The following SLC35F6 variants were observed in gnomAD, a reference collection of about 807,000 sequenced individuals.
SLC35F6 encodes the protein solute carrier family 35 member F6.
SLC35F6 carries 26 observed loss-of-function variants against 29.4 expected under a neutral mutation model. The ratio of observed to expected loss-of-function variants is 0.89; its 90% CI spans 0.65 to 1.23. The LOEUF (loss-of-function observed/expected upper bound fraction) is 1.23, where lower values mean the gene tolerates loss of function less well. Ranked by LOEUF, SLC35F6 falls within the 50% of genes most tolerant of loss-of-function variation. The pLI is 0.00. For missense variants in SLC35F6, 428 were observed against 487.8 expected (o/e 0.88, Z 1.15); for synonymous variants, 174 against 206.6 (o/e 0.84, Z 1.35).
At position 26,778,479 on chromosome 2, in the gene SLC35F6, G is replaced by A. The variant is rs754502389; in HGVS notation, c.1084G>A (p.Gly362Ser). 6 of 1,611,020 alleles carry A rather than the reference G, an allele frequency of 3.7e-6. No individual in the cohort carries two copies. The highest frequency in any genetic ancestry group is 1.3e-5 in the African/African-American group (1 of 74,824). Residue 362 changes from glycine to serine, a missense_variant, in exon 6 of 6, where the codon GGC becomes AGC. Transcript: ENST00000344420. ...GAGCGAGCAGGAGAGACTGCTGGGTGGCACCCGCACTCCCATCAATGATGC... is the reference window on the plus strand; with the variant it reads ...GAGCGAGCAGGAGAGACTGCTGGGTAGCACCCGCACTCCCATCAATGATGC... The part of the protein sequence containing the change: ...EESEQERLLG[G>S]TRTPINDAS
intron 2 of SLC35F6, among the ~76,000 whole-genome samples, 174 bp from the exon 3 acceptor site, chr2:26,774,870 G>A (rs1160276635): frequency 6.6e-6 from 1 of 152,054 alleles, no homozygotes; most frequent in Non-Finnish European, 1.5e-5. Context: ...GGGGCTTTGG[G>A]GCAGACCTAG....
At position 26,764,370 on chromosome 2, in the gene SLC35F6, G is replaced by C. The variant is rs1213764503; in HGVS notation, c.21G>C (p.Gln7His). 5 of 1,550,892 alleles carry C rather than the reference G, an allele frequency of 3.2e-6. No individual in the cohort carries two copies. In the Admixed American group the frequency reaches 5.9e-5, roughly 18 times the overall value. Residue 7 changes from glutamine (Q) to histidine (H), a missense_variant, in exon 1 of 6, where the codon CAG becomes CAC. Physicochemically the swap from Gln to His is conservative, Grantham distance 24. Coordinates refer to ENST00000344420, the MANE Select transcript of SLC35F6 (RefSeq NM_017877.4). Reference protein sequence around the residue: MAWTKYQLFLAGLMLVT... With the variant: MAWTKYHLFLAGLMLVT... ...CCGACATGGCCTGGACCAAGTACCA[G>C]CTGTTCCTGGCCGGGCTCATGCTTG...
At position 26,775,038 on chromosome 2, in the gene SLC35F6, C is replaced by T; in HGVS notation, c.151-6C>T. ...CTCTGAAGTCCTCGGGTTTTCATCC[C>T]TGCAGGCAGTGGGCATGTTCCTGGG... is the stretch of plus-strand genomic sequence containing the variant. On this transcript the variant is annotated splice_region_variant and splice_polypyrimidine_tract_variant and intron_variant, in intron 2 of 5. Transcript: ENST00000344420. This position sits in a 1 kb window ranked among gnomAD's most constrained non-coding sequence, Gnocchi z 4.6. 2 of 1,612,566 alleles carry T rather than the reference C, an allele frequency of 1.2e-6. No homozygotes were observed. Among genetic ancestry groups the T allele is most frequent in the Non-Finnish European group, 1.7e-6 (2 of 1,179,120 alleles).
intron 5 of SLC35F6, 116 bp downstream of exon 5, chr2:26,776,598 C>T (rs1664305596): frequency 2.3e-6 from 2 of 861,646 alleles, no homozygotes; most frequent in Non-Finnish European, 3.7e-6. Flanking sequence ...CCCCGCCTTG[C>T]CTTCCAGATG....
rs1451705725 is a variant in SLC35F6 at position 26,781,209 on chromosome 2, T to C, written c.*2698T>C. On this transcript the variant is annotated 3_prime_UTR_variant, in exon 6 of 6. Transcript: ENST00000344420. ...ACCTGAGACTGGGTAATTTAATTTA[T>C]AAAGAAAAGAGGTTTAATTGGCTCA... 1 of 152,192 alleles carries C rather than the reference T, an allele frequency of 6.6e-6. No homozygotes were observed. The highest frequency in any genetic ancestry group is 1.5e-5 in the Non-Finnish European group (1 of 68,048). 9.4% of individuals were successfully genotyped at this position (152,192 alleles called of 1,614,324 possible). A position where few individuals can be genotyped will look rare whatever the true frequency, so the allele number is the denominator to read the frequency against.
intron 1 of SLC35F6, 92 bp downstream of exon 1, chr2:26,764,518 C>T (rs1479911006): frequency 1.4e-6 from 2 of 1,459,084 alleles, no homozygotes; most frequent in Non-Finnish European, 1.9e-6. Context: ...TCCTGGCTTC[C>T]CCTGCTTTCC....
chr2:26,768,600 G>A (rs980091207), intron 1 of SLC35F6, among the ~76,000 whole-genome samples: 1 of 150,278 alleles, frequency 6.7e-6, no homozygotes, highest in African/African-American at 2.5e-5. Context: ...TCCTGACCTC[G>A]CCCATCTCGG....
intron 1 of SLC35F6, 133 bp from the exon 2 acceptor site, chr2:26,774,118 C>G: frequency 2.3e-6 from 2 of 883,682 alleles, no homozygotes; most frequent in East Asian, 2.5e-5. Flanking sequence ...AAGACTGACC[C>G]CTTTGAGAGG....
At chr2:26,774,386 C>T in intron 2 of SLC35F6, 63 bp downstream of exon 2, 1 of 1,580,400 alleles carries the variant, frequency 6.3e-7, no homozygotes, top group Non-Finnish European at 8.7e-7. Context: ...CCACCCCCGG[C>T]CATGAGGCCA....
chr2:26,778,121 T>C lies in SLC35F6; in HGVS notation c.726T>C (p.Pro242=), dbSNP rs761269148. ...CCGCCGGCTCCTTCAGCGGAAACCC[T>C]CGTGGGACACTGGAGGATGCATTGG... ...YIPAGSFSGN[P]RGTLEDALDA... Residue 242 remains proline, a synonymous_variant, in exon 6 of 6, where the codon CCT becomes CCC. Transcript: ENST00000344420. 8.7e-6 allele frequency: 14 copies of C among 1,614,064 alleles called. No homozygotes were observed. The highest frequency in any genetic ancestry group is 1.1e-5 in the Non-Finnish European group (13 of 1,180,022).
rs1222327488 is a variant in SLC35F6 at position 26,764,381 on chromosome 2, C to G, written c.32C>G (p.Ala11Gly). The change falls in exon 1 of 6, where the codon GCC becomes GGC. Residue 11 changes from alanine to glycine, a missense_variant. Physicochemically the swap from Ala to Gly is moderately conservative, Grantham distance 60. Transcript: ENST00000344420. MAWTKYQLFLAGLMLVTGSIN... is the reference protein window; with the variant it reads MAWTKYQLFLGGLMLVTGSIN... ...TGGACCAAGTACCAGCTGTTCCTGG[C>G]CGGGCTCATGCTTGTTACCGGCTCC... 2 of 1,551,050 alleles carry G rather than the reference C, an allele frequency of 1.3e-6. No homozygotes were observed. Among genetic ancestry groups the G allele is most frequent in the Non-Finnish European group, 1.7e-6 (2 of 1,146,860 alleles).
intron 5 of SLC35F6, among the ~76,000 whole-genome samples, chr2:26,777,223 A>G (rs1664318129): frequency 6.6e-6 from 1 of 152,212 alleles, no homozygotes; most frequent in African/African-American, 2.4e-5. Flanking sequence ...TGAGTGCAGT[A>G]TAGGTTTGAT....
intron 1 of SLC35F6, among the ~76,000 whole-genome samples, chr2:26,770,395 A>G (rs768316063): frequency 1.3e-5 from 2 of 152,122 alleles, no homozygotes; most frequent in Non-Finnish European, 2.9e-5. Context: ...TGACAGAGTA[A>G]TACCCTGTCT....
chr2:26,774,574 A>G (rs1664262701), intron 2 of SLC35F6, among the ~76,000 whole-genome samples: 2 of 152,216 alleles, frequency 1.3e-5, no homozygotes, highest in African/African-American at 4.8e-5. Context: ...ACACGTGGAA[A>G]ACATCAGCCC....
chr2:26,777,984 G>A (rs1664332241), intron 5 of SLC35F6, 58 bp from the exon 6 acceptor site: 1 of 1,518,384 alleles, frequency 6.6e-7, no homozygotes, highest in Non-Finnish European at 9.0e-7. Context: ...TAAGCCGGTG[G>A]GCTGTGCTGG....
At chr2:26,773,494 C>T (rs1201357431) in intron 1 of SLC35F6, among the ~76,000 whole-genome samples, 5 of 111,762 alleles carry the variant, frequency 4.5e-5, no homozygotes, top group Non-Finnish European at 8.5e-5. Flanking sequence ...CAGAGCGAGA[C>T]TCCATTAAGA....
Position 26,774,293 on chromosome 2 carries a change from G to C in SLC35F6, c.120G>C (p.Lys40Asn). Residue 40 changes from lysine (K) to asparagine (N), a missense_variant, in exon 2 of 6, where the codon AAG (lysine) becomes AAC (asparagine). Transcript: ENST00000344420. ...TGGCCGAGGGCTGTGGAGGGAGCAA[G>C]GAGCACAGCTTCCAGCATCCCTTCC... is the stretch of plus-strand genomic sequence containing the variant. Reference protein sequence around the residue: ...NFMAEGCGGSKEHSFQHPFLQ... With the variant: ...NFMAEGCGGSNEHSFQHPFLQ... 6.2e-7 allele frequency: 1 copy of C among 1,614,162 alleles called. No homozygotes were observed. Among genetic ancestry groups the C allele is most frequent in the Non-Finnish European group, 8.5e-7 (1 of 1,180,014 alleles).
chr2:26,771,477 C>T (rs1216241438), intron 1 of SLC35F6, among the ~76,000 whole-genome samples: 1 of 152,184 alleles, frequency 6.6e-6, no homozygotes, highest in African/African-American at 2.4e-5. Flanking sequence ...GGCTCTGTGC[C>T]CTTGGTAAGG....
Position 26,779,480 on chromosome 2 carries a change from A to G in SLC35F6, c.*969A>G, listed in dbSNP as rs1490701800. On this transcript the variant is annotated 3_prime_UTR_variant, in exon 6 of 6. Coordinates refer to ENST00000344420, the MANE Select transcript of SLC35F6 (RefSeq NM_017877.4). ...AACAGTAACAGCCCATCCACTGGAA[A>G]TACCCCTCTGCCCACAGCACCACCC... 1.3e-5 allele frequency: 2 copies of G among 152,134 alleles called. No individual in the cohort carries two copies. The highest frequency in any genetic ancestry group is 4.8e-5 in the African/African-American group (2 of 41,402). 9.4% of individuals were successfully genotyped at this position (152,134 alleles called of 1,614,324 possible).
Sources: allele counts gnomAD v4.1 joint callset (sites outside exome capture counted in the v4.1 genomes callset), GRCh38; gene constraint gnomAD v4.1.1; non-coding constraint Gnocchi (gnomAD v3.1); transcripts MANE v1.5; gene names NCBI Gene and HGNC (gene_info 2026-07-23, HGNC 2026-07-21).